NHSL1: variants seen among roughly 807,000 people sequenced by gnomAD.
NHSL1 encodes the protein NHS-like protein 1.
NHSL1 carries 48 observed loss-of-function variants against 95.0 expected under a neutral mutation model. That is an observed-to-expected ratio of 0.51 (90% CI 0.40 to 0.64). The LOEUF is 0.64. Among genes scored for constraint, NHSL1 ranks in the 30% least tolerant of loss-of-function variants. The probability of loss-of-function intolerance (pLI) is 0.00; values close to 1 mark genes in which losing one functional copy is unlikely to be tolerated. For synonymous variants in NHSL1, 783 were observed against 833.9 expected, an observed-to-expected ratio of 0.94 and a Z score of 1.05; for missense variants, 1,971 against 2,077.7, an observed-to-expected ratio of 0.95 and a Z score of 1.00.
intron 1 of NHSL1, among the ~76,000 whole-genome samples, chr6:138,614,446 T>TTTGG (rs1784552904): frequency 6.6e-6 from 1 of 152,194 alleles, no homozygotes; most frequent in African/African-American, 2.4e-5. Flanking sequence ...CCACAAGTGT[T>TTTGG]AATCACTGGT....
chr6:138,588,539 T>A (rs1256517620), intron 1 of NHSL1, among the ~76,000 whole-genome samples: 1 of 152,162 alleles, frequency 6.6e-6, no homozygotes, highest in Non-Finnish European at 1.5e-5. Flanking sequence ...GTAAAGCCAT[T>A]TTCCAAGGTC....
At chr6:138,587,438 C>T (rs1375524392) in intron 1 of NHSL1, among the ~76,000 whole-genome samples, 2 of 149,584 alleles carry the variant, frequency 1.3e-5, no homozygotes, top group Non-Finnish European at 3.0e-5. Flanking sequence ...AAAAAATTAG[C>T]CAGGTATGAT....
intron 1 of NHSL1, among the ~76,000 whole-genome samples, chr6:138,530,333 G>C (rs1202340161): frequency 6.6e-6 from 1 of 152,208 alleles, no homozygotes; most frequent in African/African-American, 2.4e-5. Context: ...TGGCAGAACT[G>C]TAAACTAGTA....
intron 1 of NHSL1, among the ~76,000 whole-genome samples, chr6:138,497,713 C>T (rs988559564): frequency 1.2e-4 from 18 of 152,110 alleles, no homozygotes; most frequent in African/African-American, 4.1e-4. Flanking sequence ...ATTATTCTAA[C>T]GAGGCCCCAA....
chr6:138,577,388 G>T (rs113702786), upstream of NHSL1, among the ~76,000 whole-genome samples: 3 of 152,340 alleles, frequency 2.0e-5, no homozygotes, highest in African/African-American at 7.2e-5. Context: ...TAGCTTGCCT[G>T]CCCTGTCAAA....
In NHSL1 at chr6:138,424,437, T is replaced by C; in HGVS notation, c.4465A>G (p.Ser1489Gly). 1 of 1,550,832 alleles carries C rather than the reference T, an allele frequency of 6.4e-7. No homozygotes were observed. Among genetic ancestry groups the C allele is most frequent in the South Asian group, 1.2e-5 (1 of 84,034 alleles). Residue 1489 changes from serine to glycine, a missense_variant, in exon 8 of 8, where the codon AGT becomes GGT. Transcript: ENST00000343505. The surrounding 1 kb of genome is among the most constrained non-coding windows in gnomAD (Gnocchi z 5.9). The part of the protein sequence containing the change: ...WAKNEGLMPR[S>G]LSFSGPRYGR... ...TACCTGGGGCCGGAAAAGGACAGAC[T>C]CCGAGGCATCAAGCCTTCGTTCTTG...
intron 1 of NHSL1, among the ~76,000 whole-genome samples, chr6:138,637,964 A>G (rs1179317691): frequency 6.6e-6 from 1 of 152,188 alleles, no homozygotes; most frequent in Non-Finnish European, 1.5e-5. Context: ...AAGATTTGGA[A>G]GCAACCACAA....
chr6:138,536,663 G>A (rs984608023), intron 1 of NHSL1, among the ~76,000 whole-genome samples: 6 of 119,338 alleles, frequency 5.0e-5, no homozygotes, highest in Admixed American at 2.2e-4. Flanking sequence ...TGTGCAGAAC[G>A]TGCAGGTTTG....
chr6:138,442,318 G>A (rs1316098278), intron 4 of NHSL1, among the ~76,000 whole-genome samples: 1 of 152,156 alleles, frequency 6.6e-6, no homozygotes, highest in Non-Finnish European at 1.5e-5. Context: ...ACCTTCCAAA[G>A]GAAGCACCTT....
At chr6:138,593,200 C>T (rs555622038) in intron 1 of NHSL1, among the ~76,000 whole-genome samples, 4 of 152,274 alleles carry the variant, frequency 2.6e-5, no homozygotes, top group South Asian at 2.1e-4. Flanking sequence ...AGGAGGTAGA[C>T]GGGTTCTGTG....
chr6:138,527,779 G>A (rs886892383), intron 1 of NHSL1, among the ~76,000 whole-genome samples: 3 of 152,196 alleles, frequency 2.0e-5, no homozygotes, highest in African/African-American at 7.2e-5. Flanking sequence ...CCTGGGTCTA[G>A]CCAGGTTCCA....
intron 1 of NHSL1, among the ~76,000 whole-genome samples, chr6:138,523,642 A>AAAAAC (rs1275736204): frequency 1.3e-4 from 19 of 150,756 alleles, no homozygotes; most frequent in Non-Finnish European, 3.0e-5. Context: ...AAAAAAAAAA[A>AAAAAC]AAAAAAAAAA....
intron 1 of NHSL1, among the ~76,000 whole-genome samples, chr6:138,660,116 C>G (rs1267253697): frequency 6.6e-6 from 1 of 152,238 alleles, no homozygotes; most frequent in African/African-American, 2.4e-5. Context: ...CACTGCATCT[C>G]TGAAGACCCA....
At chr6:138,590,997 C>T (rs1157911055) in intron 1 of NHSL1, among the ~76,000 whole-genome samples, 1 of 152,138 alleles carries the variant, frequency 6.6e-6, no homozygotes, top group East Asian at 1.9e-4. Context: ...TTTCAGCAGG[C>T]CTGTGTATTG....
chr6:138,464,303 TG>T, intron 3 of NHSL1: 1 of 700,720 alleles, frequency 1.4e-6, no homozygotes, highest in Non-Finnish European at 2.5e-6. Flanking sequence ...GTGGGCGGAC[TG>T]GGCCCTCAGC....
intron 1 of NHSL1, among the ~76,000 whole-genome samples, chr6:138,559,667 A>G (rs1378195653): frequency 6.6e-6 from 1 of 152,244 alleles, no homozygotes; most frequent in Non-Finnish European, 1.5e-5. Context: ...TTGAGAAAAA[A>G]AAGCTATGTG....
chr6:138,601,480 T>G (rs1205515673), intron 1 of NHSL1, among the ~76,000 whole-genome samples: 2 of 152,170 alleles, frequency 1.3e-5, no homozygotes, highest in African/African-American at 4.8e-5. Flanking sequence ...TTTAAAAAAT[T>G]TACTCTTAGG....
At chr6:138,500,063 T>A (rs74849664), upstream of NHSL1, among the ~76,000 whole-genome samples, 18 of 151,644 alleles carry the variant, frequency 1.2e-4, no homozygotes, top group Non-Finnish European at 2.2e-4. Context: ...TATTTGCATC[T>A]AGCTGCCACA....
intron 1 of NHSL1, among the ~76,000 whole-genome samples, chr6:138,506,214 C>T (rs1780957361): frequency 6.6e-6 from 1 of 152,110 alleles, no homozygotes; most frequent in African/African-American, 2.4e-5. Flanking sequence ...TAGGCCTATC[C>T]TGTTTATTAA....
Sources: gnomAD v4.1 joint callset for allele counts (sites outside exome capture counted in the v4.1 genomes callset) on GRCh38, gnomAD v4.1.1 for gene constraint, Gnocchi (gnomAD v3.1) non-coding constraint, MANE v1.5 for transcripts, NCBI Gene and HGNC (gene_info 2026-07-23, HGNC 2026-07-21) for gene names.